BPIFB2: variants seen among roughly 807,000 people sequenced by gnomAD.
The protein encoded by BPIFB2 is BPI fold containing family B member 2, also known as BPI fold-containing family B member 2.
BPIFB2 carries 39 observed loss-of-function variants against 50.1 expected under a neutral mutation model. The observed-to-expected ratio is 0.78, with a 90% CI of 0.60 to 1.02. The LOEUF is 1.02. Among genes scored for constraint, BPIFB2 ranks in the 50% least tolerant of loss-of-function variants. The pLI, the probability that BPIFB2 is intolerant of heterozygous loss-of-function variation, is 0.00. For synonymous variants in BPIFB2, 280 were observed against 256.3 expected (o/e 1.09, Z -0.88); for missense variants, 574 against 585.8 (o/e 0.98, Z 0.21).
intron 4 of BPIFB2, 134 bp from the exon 5 acceptor site, chr20:33,013,676 C>T (rs1028128932): frequency 1.3e-5 from 17 of 1,308,512 alleles, no homozygotes; most frequent in Non-Finnish European, 1.7e-5. Flanking sequence ...AGGGCCATCT[C>T]ACTCTGGGAG....
In BPIFB2 at chr20:33,021,696, C is replaced by A. The variant is rs757149558; in HGVS notation, c.1259-27C>A. The stretch of plus-strand genomic sequence containing the variant: ...TTCAGCACAGGCTGGCTCCAGGGGA[C>A]GATCCTTTCTTCTTTCTCGCCTGCA... On this transcript the variant is annotated intron_variant, in intron 14 of 15. Transcript: ENST00000170150. 4 of 1,610,036 alleles carry A rather than the reference C, an allele frequency of 2.5e-6. No individual in the cohort carries two copies. The African/African-American group carries it at 4.0e-5, about 16-fold the overall frequency.
At chr20:33,021,893 C>A in intron 15 of BPIFB2, 94 bp downstream of exon 15, 1 of 1,253,594 alleles carries the variant, frequency 8.0e-7, no homozygotes, top group Non-Finnish European at 1.2e-6. Context: ...TCTGTGGCTG[C>A]CAAAACCATG....
chr20:33,018,533 TG>T, intron 8 of BPIFB2, 103 bp from the exon 9 acceptor site: 2 of 1,395,820 alleles, frequency 1.4e-6, no homozygotes, highest in Non-Finnish European at 9.8e-7. Flanking sequence ...TTGCAGGGGC[TG>T]GGGGGCAGGG....
At chr20:33,022,956 G>T (rs991954398) in intron 15 of BPIFB2, among the ~76,000 whole-genome samples, 6 of 151,894 alleles carry the variant, frequency 4.0e-5, no homozygotes, top group Admixed American at 3.3e-4. Flanking sequence ...TGAATGATCG[G>T]CAGCCCTCCA....
rs184795371 is a variant in BPIFB2, at chr20:33,008,747, G to A, written c.109+64G>A. On this transcript the variant is annotated intron_variant, in intron 2 of 15. Transcript: ENST00000170150. ...TACATGCGTGTGCAATCCTAAGTGT[G>A]TGTGCGTAGCTGTGAACTCAAAAGG... is the stretch of plus-strand genomic sequence containing the variant. 40 of 1,361,082 alleles carry A rather than the reference G, an allele frequency of 2.9e-5. 1 individual carries two copies. In the Admixed American group the frequency reaches 7.0e-4, roughly 24 times the overall value. The allele number at this position is 1,361,082 out of a possible 1,614,324, so 84.3% of individuals were successfully genotyped here.
intron 11 of BPIFB2, 144 bp from the exon 12 acceptor site, chr20:33,020,184 A>T: frequency 3.9e-6 from 3 of 761,534 alleles, no homozygotes; most frequent in Non-Finnish European, 6.5e-6. Flanking sequence ...GTTGTTGCCA[A>T]CATTCAGCGT....
intron 5 of BPIFB2, among the ~76,000 whole-genome samples, chr20:33,014,766 G>C (rs1438509891): frequency 6.6e-6 from 1 of 152,206 alleles, no homozygotes; most frequent in Admixed American, 6.5e-5. Context: ...ATTCACACTT[G>C]TGTCGCATGA....
chr20:33,012,116 G>C (rs1428665771), intron 3 of BPIFB2, among the ~76,000 whole-genome samples: 1 of 152,236 alleles, frequency 6.6e-6, no homozygotes, highest in Non-Finnish European at 1.5e-5. Flanking sequence ...AGGAAGAGCT[G>C]AAATGCAGTT....
intron 8 of BPIFB2, 139 bp from the exon 9 acceptor site, chr20:33,018,498 A>G: frequency 7.7e-7 from 1 of 1,299,836 alleles, no homozygotes; most frequent in Non-Finnish European, 1.1e-6. Flanking sequence ...ACACAGGCGA[A>G]AGTGTGAACT....
intron 4 of BPIFB2, 103 bp downstream of exon 4, chr20:33,013,010 G>A: frequency 1.1e-6 from 1 of 909,260 alleles, no homozygotes; most frequent in Non-Finnish European, 1.8e-6. Flanking sequence ...CCCTCATCCA[G>A]GCCTCTTGAC....
At position 33,008,645 on chromosome 20, in the gene BPIFB2, G is replaced by T. The variant is rs370014963; in HGVS notation, c.71G>T (p.Gly24Val). ...CCCGTGGTCGGTGCCTCCACGCCAG[G>T]CACCGTGGTCCGACTCAACAAGGCA... ...LLPVVGASTP[G>V]TVVRLNKAAL... The change falls in exon 2 of 16, where the codon GGC becomes GTC. Residue 24 changes from glycine to valine, a missense_variant. Transcript: ENST00000170150. 39 of 1,607,560 alleles carry T rather than the reference G, an allele frequency of 2.4e-5. No homozygotes were observed. Among genetic ancestry groups the T allele is most frequent in the Non-Finnish European group, 3.2e-5 (38 of 1,177,116 alleles).
chr20:33,021,231 C>A (rs1321698773), intron 13 of BPIFB2, 50 bp from the exon 14 acceptor site: 2 of 1,592,576 alleles, frequency 1.3e-6, no homozygotes, highest in African/African-American at 2.7e-5. Context: ...GTCCATCTCT[C>A]CTGGCCCCTC....
rs61153933 is a variant in BPIFB2, at chr20:33,017,556, A to G, written c.577+454A>G. Among the ~76,000 whole-genome samples the G allele has an allele frequency of 2.4e-3, 369 of 152,280 alleles. 2 individuals are homozygous for G. The highest frequency in any genetic ancestry group is 8.2e-3 in the African/African-American group (342 of 41,568). On this transcript the variant is annotated intron_variant, in intron 7 of 15. Coordinates refer to ENST00000170150, the MANE Select transcript of BPIFB2 (RefSeq NM_025227.3). The stretch of plus-strand genomic sequence containing the variant: ...CCTGCAAGAGTATTCTGAGGCTCAG[A>G]GGAGTTGGGCTCTGAGCCATGCCTC...
In BPIFB2 at chr20:33,016,931, T is replaced by C. The variant is rs984959770; in HGVS notation, c.517-111T>C. On this transcript the variant is annotated intron_variant, in intron 6 of 15. Transcript: ENST00000170150. ...GTGGAGGAAGGGATTCCAGGCATGG[T>C]GTATGGGTTGGGGAGGCTTCTAGAC... 5.5e-6 allele frequency: 5 copies of C among 914,710 alleles called. No homozygotes were observed. The African/African-American group carries it at 8.3e-5, about 15-fold the overall frequency. The allele number at this position is 914,710 out of a possible 1,614,324, so 56.7% of individuals were successfully genotyped here.
At chr20:33,020,087 G>A (rs185901440) in intron 11 of BPIFB2, among the ~76,000 whole-genome samples, 84 of 152,216 alleles carry the variant, frequency 5.5e-4, no homozygotes, top group Non-Finnish European at 1.0e-3. Flanking sequence ...AAAGGATGGC[G>A]CCTGGTTACT....
intron 6 of BPIFB2, among the ~76,000 whole-genome samples, chr20:33,016,221 G>A (rs928220989): frequency 2.0e-5 from 3 of 152,094 alleles, no homozygotes; most frequent in Non-Finnish European, 4.4e-5. Context: ...CCCAGAGGGC[G>A]ACTGCAACAT....
At chr20:33,011,684 A>C (rs547037505) in intron 3 of BPIFB2, among the ~76,000 whole-genome samples, 12 of 152,320 alleles carry the variant, frequency 7.9e-5, no homozygotes, top group African/African-American at 2.9e-4. Flanking sequence ...CAACTAATGA[A>C]AAAACATTTA....
Position 33,021,752 on chromosome 20 carries a change from G to C in BPIFB2, c.1288G>C (p.Gly430Arg), listed in dbSNP as rs1398497474. The change falls in exon 15 of 16, where the codon GGT (glycine) becomes CGT (arginine). Residue 430 changes from glycine to arginine, a missense_variant. Physicochemically the swap from Gly to Arg is moderately radical, Grantham distance 125. Coordinates refer to ENST00000170150, the MANE Select transcript of BPIFB2 (RefSeq NM_025227.3). ...ALLAMGIALP[G>R]VVNLHYVAPE... ...CTTGGCCATGGGAATTGCCCTCCCT[G>C]GTGTGGTCAACCTCCACTATGTCGC... 3 of 1,614,088 alleles carry C rather than the reference G, an allele frequency of 1.9e-6. No homozygotes were observed. Among genetic ancestry groups the C allele is most frequent in the Non-Finnish European group, 2.5e-6 (3 of 1,179,996 alleles).
chr20:33,020,288 G>A, intron 11 of BPIFB2, 40 bp from the exon 12 acceptor site: 1 of 1,597,930 alleles, frequency 6.3e-7, no homozygotes, highest in East Asian at 2.2e-5. Flanking sequence ...CCCCCCTCAT[G>A]GCTCTGTGCC....
Sources: gnomAD v4.1 joint callset for allele counts (sites outside exome capture counted in the v4.1 genomes callset) on GRCh38, gnomAD v4.1.1 for gene constraint, MANE v1.5 for transcripts, NCBI Gene and HGNC (gene_info 2026-07-23, HGNC 2026-07-21) for gene names.